CFAP299: variants seen among roughly 807,000 people sequenced by gnomAD.
CFAP299 encodes cilia and flagella associated protein 299, also known as cilia- and flagella-associated protein 299.
In CFAP299, 21 loss-of-function variants were observed where a neutral mutation model predicts 27.0. The ratio of observed to expected loss-of-function variants is 0.78; its 90% CI spans 0.55 to 1.12. The LOEUF is 1.12. CFAP299 is among the 50% of genes most tolerant of loss of function. The pLI, the probability that CFAP299 is intolerant of heterozygous loss-of-function variation, is 0.00. For missense variants in CFAP299, 310 were observed against 276.6 expected (o/e 1.12, Z -0.86); for synonymous variants, 104 against 98.1 (o/e 1.06, Z -0.36).
intron 5 of CFAP299, among the ~76,000 whole-genome samples, chr4:80,960,305 T>C (rs772549755): frequency 3.3e-5 from 5 of 151,906 alleles, no homozygotes; most frequent in Non-Finnish European, 7.4e-5. Context: ...TCACTGCAAT[T>C]TTCAGGGGAT....
intron 3 of CFAP299, among the ~76,000 whole-genome samples, chr4:80,590,206 T>C (rs553461475): frequency 6.6e-6 from 1 of 152,346 alleles, no homozygotes; most frequent in East Asian, 1.9e-4. Context: ...GTGTACAAAA[T>C]GACACTCCGT....
chr4:80,557,642 T>A (rs1485256030), intron 2 of CFAP299, among the ~76,000 whole-genome samples: 1 of 152,074 alleles, frequency 6.6e-6, no homozygotes, highest in Non-Finnish European at 1.5e-5. Flanking sequence ...ATCAAAAATG[T>A]CTTAGGTCCC....
At chr4:80,870,286 G>A (rs2110168066) in intron 4 of CFAP299, 151 bp downstream of exon 4, 2 of 1,281,416 alleles carry the variant, frequency 1.6e-6, no homozygotes, top group African/African-American at 1.5e-5. Flanking sequence ...TTAAAATAAG[G>A]AATAAGCATA....
At chr4:80,897,487 G>A (rs1331739239) in intron 4 of CFAP299, among the ~76,000 whole-genome samples, 3 of 152,264 alleles carry the variant, frequency 2.0e-5, no homozygotes, top group East Asian at 3.9e-4. Context: ...AATTTAATAA[G>A]CATATAAGTA....
chr4:80,473,051 C>T (rs1730087139), intron 2 of CFAP299, among the ~76,000 whole-genome samples: 1 of 152,184 alleles, frequency 6.6e-6, no homozygotes, highest in South Asian at 2.1e-4. Context: ...AGCTCCTTCC[C>T]TCAAGGGGCT....
chr4:80,798,211 G>T (rs1003392941), intron 3 of CFAP299, among the ~76,000 whole-genome samples: 2 of 152,040 alleles, frequency 1.3e-5, no homozygotes, highest in African/African-American at 4.8e-5. Flanking sequence ...AGGGGTGTTG[G>T]GGGTGGCTCC....
At chr4:80,761,757 A>C (rs1370532925) in intron 3 of CFAP299, among the ~76,000 whole-genome samples, 1 of 152,130 alleles carries the variant, frequency 6.6e-6, no homozygotes, top group Non-Finnish European at 1.5e-5. Flanking sequence ...GGCTTTGAAT[A>C]ATGTAATAAA....
chr4:80,922,631 C>T (rs1389494365), intron 4 of CFAP299, among the ~76,000 whole-genome samples: 1 of 151,866 alleles, frequency 6.6e-6, no homozygotes, highest in Non-Finnish European at 1.5e-5. Context: ...ACATGATATA[C>T]ATGTTACAAT....
intron 2 of CFAP299, among the ~76,000 whole-genome samples, chr4:80,534,236 G>T (rs191728619): frequency 7.1e-6 from 1 of 141,628 alleles, no homozygotes; most frequent in East Asian, 2.1e-4. Context: ...CATTGAAAAA[G>T]AGCAACAAAA....
intron 1 of CFAP299, among the ~76,000 whole-genome samples, chr4:80,354,569 A>C (rs1341602604): frequency 1.3e-5 from 2 of 152,038 alleles, no homozygotes; most frequent in Non-Finnish European, 2.9e-5. Context: ...CAGGTTTGCT[A>C]TATAGCTAAA....
chr4:80,496,791 G>A (rs1289729828), intron 2 of CFAP299, among the ~76,000 whole-genome samples: 2 of 152,136 alleles, frequency 1.3e-5, no homozygotes, highest in Non-Finnish European at 2.9e-5. Context: ...AGGCTATACA[G>A]GAAGCATAAT....
chr4:80,835,911 T>G (rs910930110), intron 3 of CFAP299, among the ~76,000 whole-genome samples: 1 of 152,224 alleles, frequency 6.6e-6, no homozygotes, highest in African/African-American at 2.4e-5. Flanking sequence ...CATTCTTTTC[T>G]GACAAAACTT....
chr4:80,706,433 G>A (rs988957126), intron 3 of CFAP299, among the ~76,000 whole-genome samples: 2 of 151,252 alleles, frequency 1.3e-5, no homozygotes, highest in Admixed American at 6.6e-5. Flanking sequence ...TTTTTTGGGG[G>A]GTAAAATATG....
intron 3 of CFAP299, among the ~76,000 whole-genome samples, chr4:80,816,658 A>C (rs374037430): frequency 2.0e-4 from 30 of 152,124 alleles, no homozygotes; most frequent in Non-Finnish European, 2.6e-4. Context: ...AAATTGATAA[A>C]TTCAAGAAGA....
intron 3 of CFAP299, among the ~76,000 whole-genome samples, chr4:80,628,996 T>C (rs1173303809): frequency 6.6e-6 from 1 of 152,294 alleles, no homozygotes; most frequent in East Asian, 1.9e-4. Flanking sequence ...GAAATCAGTA[T>C]GTTGAAAAGA....
intron 3 of CFAP299, among the ~76,000 whole-genome samples, chr4:80,863,945 T>G (rs1732535888): frequency 6.6e-6 from 1 of 152,098 alleles, no homozygotes; most frequent in South Asian, 2.1e-4. Flanking sequence ...TGATTCCACT[T>G]TTATGAAAAA....
intron 3 of CFAP299, among the ~76,000 whole-genome samples, chr4:80,783,906 C>G (rs1162853726): frequency 2.0e-5 from 3 of 151,802 alleles, no homozygotes; most frequent in Non-Finnish European, 2.9e-5. Flanking sequence ...CTCCTCTCCA[C>G]CCCCACCCCT....
intron 2 of CFAP299, among the ~76,000 whole-genome samples, chr4:80,405,834 G>T (rs1479174856): frequency 1.3e-5 from 2 of 152,072 alleles, no homozygotes; most frequent in Non-Finnish European, 2.9e-5. Context: ...TTTCTGAAGA[G>T]AACATTATTT....
At chr4:80,588,446 A>G (rs1736557114) in intron 3 of CFAP299, among the ~76,000 whole-genome samples, 1 of 151,230 alleles carries the variant, frequency 6.6e-6, no homozygotes, top group Non-Finnish European at 1.5e-5. Flanking sequence ...ATGTAAGCAA[A>G]ACATAATTTT....
Sources: allele counts gnomAD v4.1 joint callset (sites outside exome capture counted in the v4.1 genomes callset), GRCh38; gene constraint gnomAD v4.1.1; transcripts MANE v1.5; gene names NCBI Gene and HGNC (gene_info 2026-07-23, HGNC 2026-07-21).